Variants in ZBTB40 observed in about 807,000 individuals in gnomAD.
ZBTB40 encodes the protein zinc finger and BTB domain-containing protein 40.
ZBTB40 carries 60 observed loss-of-function variants against 117.5 expected under a neutral mutation model. The ratio of observed to expected loss-of-function variants is 0.51; its 90% CI spans 0.41 to 0.63. The LOEUF is 0.63. ZBTB40 is among the 30% of genes least tolerant of loss of function. ZBTB40 has a pLI of 0.00. For missense variants in ZBTB40, 1,287 were observed against 1,498.5 expected (o/e 0.86, Z 2.33); for synonymous variants, 525 against 577.1 (o/e 0.91, Z 1.29).
rs1432922329 is a variant in ZBTB40 at position 22,528,485 on chromosome 1, T to C, written c.*2089T>C. On this transcript the variant is annotated 3_prime_UTR_variant, in exon 18 of 18. Transcript: ENST00000375647. ...TTCGGAATAAAGAGGGCTGTAAATT[T>C]TGAATTCCAGTGTCAGATCCTTTCA... 1.3e-5 allele frequency: 2 copies of C among 152,368 alleles called. No homozygotes were observed. The highest frequency in any genetic ancestry group is 4.8e-5 in the African/African-American group (2 of 41,472). The allele number at this position is 152,368 out of a possible 1,614,324, so 9.4% of individuals were successfully genotyped here.
intron 1 of ZBTB40, among the ~76,000 whole-genome samples, chr1:22,462,768 G>A (rs878892265): frequency 5.9e-5 from 9 of 152,082 alleles, no homozygotes; most frequent in Non-Finnish European, 7.4e-5. Context: ...ATGAGAAGTC[G>A]GACTCTCCCC....
intron 16 of ZBTB40, 105 bp from the exon 17 acceptor site, chr1:22,524,113 C>G: frequency 9.0e-7 from 1 of 1,114,088 alleles, no homozygotes; most frequent in Non-Finnish European, 1.3e-6. Context: ...CTCCAAGCCT[C>G]GATCCTCATT....
chr1:22,461,583 T>TA (rs1165534233), intron 1 of ZBTB40, among the ~76,000 whole-genome samples: 1 of 152,112 alleles, frequency 6.6e-6, no homozygotes. Flanking sequence ...AAAAAGCTTA[T>TA]AACACTAGGA....
chr1:22,452,333 C>T (rs1195633567), intron 1 of ZBTB40, among the ~76,000 whole-genome samples: 10 of 152,256 alleles, frequency 6.6e-5, no homozygotes, highest in African/African-American at 2.4e-4. Flanking sequence ...CGCTGTCTCA[C>T]TCCCCCTCCC....
In ZBTB40 at chr1:22,522,505, C is replaced by T. The variant is rs762693998; in HGVS notation, c.3298+42C>T. 2.8e-5 allele frequency: 45 copies of T among 1,587,532 alleles called. 1 individual carries two copies. The highest frequency in any genetic ancestry group is 3.7e-5 in the Non-Finnish European group (43 of 1,156,182). On this transcript the variant is annotated intron_variant, in intron 16 of 17. Transcript: ENST00000375647. ...GCATACTTCTAGGCTAGACTCGGGG[C>T]CTGAATCTCCCCTCCACCACTTGCA...
intron 1 of ZBTB40, among the ~76,000 whole-genome samples, chr1:22,460,681 T>C (rs1641109358): frequency 6.6e-6 from 1 of 152,214 alleles, no homozygotes; most frequent in Non-Finnish European, 1.5e-5. Context: ...GTTAAGTAAC[T>C]CAAGGTTACA....
intron 1 of ZBTB40, among the ~76,000 whole-genome samples, chr1:22,471,931 A>G (rs1641416570): frequency 6.6e-6 from 1 of 152,222 alleles, no homozygotes; most frequent in Non-Finnish European, 1.5e-5. Context: ...TTGTAGTGTC[A>G]AGAGCGGATG....
At chr1:22,439,117 T>A (rs193290319) in intron 1 of ZBTB40, among the ~76,000 whole-genome samples, 1 of 152,268 alleles carries the variant, frequency 6.6e-6, no homozygotes, top group Admixed American at 6.5e-5. Flanking sequence ...CCACCCGCCT[T>A]GGCCCCCCAA....
chr1:22,502,484 A>G lies in ZBTB40; in HGVS notation c.1167+43A>G, dbSNP rs1362899670. On this transcript the variant is annotated intron_variant, in intron 5 of 17. Transcript: ENST00000375647. ...CTCCTCCCTCCTCCTGAATTCATATAGCACTTAAAAAAATGCTTTTGTGGC... is the reference window on the plus strand; with the variant it reads ...CTCCTCCCTCCTCCTGAATTCATATGGCACTTAAAAAAATGCTTTTGTGGC... 4 of 1,613,288 alleles carry G rather than the reference A, an allele frequency of 2.5e-6. No individual in the cohort carries two copies. In the African/African-American group the frequency reaches 5.3e-5, roughly 22 times the overall value.
In ZBTB40 at chr1:22,501,699, T is replaced by C; in HGVS notation, c.1024+15T>C. ...GCAGCCAAAAGGTAGGAGAAGATCC[T>C]ATGCATTGGAATGGCAGGGTTTTAT... On this transcript the variant is annotated intron_variant, in intron 4 of 17. Transcript: ENST00000375647. The C allele has an allele frequency of 1.2e-6, 2 of 1,611,930 alleles. No individual in the cohort carries two copies. The highest frequency in any genetic ancestry group is 1.7e-6 in the Non-Finnish European group (2 of 1,179,146).
chr1:22,450,711 C>T (rs370196667), upstream of ZBTB40, among the ~76,000 whole-genome samples: 1 of 152,156 alleles, frequency 6.6e-6, no homozygotes, highest in East Asian at 1.9e-4. Context: ...ATATGATCGA[C>T]CGGGAGACAG....
At chr1:22,441,473 C>CTTTTTTTTTTTTTT (rs71020419) in intron 1 of ZBTB40, among the ~76,000 whole-genome samples, 1 of 73,726 alleles carries the variant, frequency 1.4e-5, no homozygotes, top group African/African-American at 4.9e-5. Context: ...TATTTGCTTT[C>CTTTTTTTTTTTTTT]TTTTTTTTTT....
chr1:22,431,183 A>T (rs1640576007), intron 1 of ZBTB40, among the ~76,000 whole-genome samples: 1 of 135,596 alleles, frequency 7.4e-6, no homozygotes, highest in Admixed American at 7.4e-5. Flanking sequence ...GTAGATTGTA[A>T]AGTCTATCAG....
At chr1:22,452,801 T>C (rs1370262805) in intron 1 of ZBTB40, 1 of 152,338 alleles carries the variant, frequency 6.6e-6, no homozygotes, top group Non-Finnish European at 1.5e-5. Context: ...GACAGAACAC[T>C]CTGGCTTCCC....
chr1:22,522,301 A>T, intron 15 of ZBTB40, 76 bp from the exon 16 acceptor site: 1 of 1,433,932 alleles, frequency 7.0e-7, no homozygotes, highest in Non-Finnish European at 9.8e-7. Flanking sequence ...CCCCAACCCC[A>T]GCCCTGTTAC....
intron 3 of ZBTB40, among the ~76,000 whole-genome samples, chr1:22,495,739 T>A (rs954843494): frequency 2.0e-5 from 3 of 152,194 alleles, no homozygotes; most frequent in Non-Finnish European, 4.4e-5. Flanking sequence ...CTCGAACTCC[T>A]GACCTCAGGT....
At chr1:22,511,094 T>G (rs993811975) in intron 9 of ZBTB40, 85 bp from the exon 10 acceptor site, 86 of 76,058 alleles carry the variant, frequency 1.1e-3, no homozygotes, top group Non-Finnish European at 2.6e-3. Flanking sequence ...TGGGATTAGC[T>G]TTTTTTTTTT....
chr1:22,510,609 G>A (rs1296574544), intron 9 of ZBTB40, among the ~76,000 whole-genome samples: 8 of 152,138 alleles, frequency 5.3e-5, no homozygotes, highest in Admixed American at 1.3e-4. Flanking sequence ...AGAGGACGAC[G>A]GCTTTGAAAT....
intron 17 of ZBTB40, among the ~76,000 whole-genome samples, chr1:22,525,294 A>T (rs909770816): frequency 2.0e-5 from 3 of 146,904 alleles, no homozygotes; most frequent in Admixed American, 6.6e-5. Context: ...AAAGAAAAAG[A>T]AAGAAAAGCA....
Sources: allele counts gnomAD v4.1 joint callset (sites outside exome capture counted in the v4.1 genomes callset), GRCh38; gene constraint gnomAD v4.1.1; transcripts MANE v1.5; gene names NCBI Gene and HGNC (gene_info 2026-07-23, HGNC 2026-07-21).